SLC38A6: variants seen among roughly 807,000 people sequenced by gnomAD.
SLC38A6 encodes the protein N system amino acid transporter NAT-1.
A neutral mutation model predicts 65.0 loss-of-function variants in SLC38A6; 73 were observed. The observed-to-expected ratio is 1.12, with a 90% confidence interval of 0.93 to 1.37. The LOEUF (loss-of-function observed/expected upper bound fraction) is 1.37, where lower values mean the gene tolerates loss of function less well. SLC38A6 is among the 40% of genes most tolerant of loss of function. SLC38A6 has a pLI of 0.00. For synonymous variants in SLC38A6, 183 were observed against 178.8 expected (o/e 1.02, Z -0.19); for missense variants, 561 against 531.1 (o/e 1.06, Z -0.55).
In SLC38A6 at chr14:61,068,455, G is replaced by C. The variant is rs113976410; in HGVS notation, c.1291-10355G>C. 7.7e-3 allele frequency among the ~76,000 whole-genome samples: 1,173 copies of C among 152,232 alleles called. 17 individuals are homozygous for C. Among genetic ancestry groups the C allele is most frequent in the African/African-American group, 0.027 (1,104 of 41,548 alleles). On this transcript the variant is annotated intron_variant, in intron 15 of 16. Transcript: ENST00000354886. ...ACCTACTTATTTCTCTGATGTCAAT[G>C]TATCTTTCATTCTCCAGCCACACTG...
chr14:61,030,594 G>A, intron 6 of SLC38A6, 71 bp downstream of exon 6: 1 of 1,055,904 alleles, frequency 9.5e-7, no homozygotes, highest in Non-Finnish European at 1.4e-6. Context: ...GCTGTAAATG[G>A]CAATACTTGT....
chr14:60,982,071 A>G, intron 1 of SLC38A6: 1 of 435,746 alleles, frequency 2.3e-6, no homozygotes. Context: ...CTAATTCATT[A>G]GATATATAAG....
intron 3 of SLC38A6, among the ~76,000 whole-genome samples, chr14:61,003,236 A>G (rs1362963524): frequency 6.6e-6 from 1 of 152,096 alleles, no homozygotes; most frequent in East Asian, 1.9e-4. Context: ...AGAAAGAAAA[A>G]GAAAAAAGTT....
chr14:61,036,516 G>C (rs542756706), intron 6 of SLC38A6, among the ~76,000 whole-genome samples: 1 of 152,082 alleles, frequency 6.6e-6, no homozygotes, highest in African/African-American at 2.4e-5. Flanking sequence ...CCTAGATGAC[G>C]GGTTGATAGG....
intron 3 of SLC38A6, among the ~76,000 whole-genome samples, chr14:60,994,033 T>G (rs1011225535): frequency 1.3e-5 from 2 of 152,188 alleles, no homozygotes; most frequent in Non-Finnish European, 2.9e-5. Context: ...TGGCAGTTTT[T>G]TAACCAAACT....
intron 15 of SLC38A6, among the ~76,000 whole-genome samples, chr14:61,067,718 T>A (rs976080403): frequency 6.6e-6 from 1 of 152,044 alleles, no homozygotes; most frequent in Admixed American, 6.6e-5. Context: ...CACACACATA[T>A]ATATATATAC....
At chr14:61,014,949 G>T (rs2139527559) in intron 3 of SLC38A6, among the ~76,000 whole-genome samples, 1 of 152,302 alleles carries the variant, frequency 6.6e-6, no homozygotes, top group South Asian at 2.1e-4. Context: ...AGGTTTCTCT[G>T]CCTTTTGTTT....
chr14:60,997,724 G>T (rs2139346466), intron 3 of SLC38A6, among the ~76,000 whole-genome samples: 1 of 152,294 alleles, frequency 6.6e-6, no homozygotes, highest in South Asian at 2.1e-4. Flanking sequence ...GGGTGCAGCA[G>T]AGTTCCAGTT....
chr14:61,051,298 T>A (rs1392512457), intron 13 of SLC38A6, among the ~76,000 whole-genome samples: 1 of 152,166 alleles, frequency 6.6e-6, no homozygotes, highest in Non-Finnish European at 1.5e-5. Context: ...CTGGATAAAT[T>A]TTTTGGCATG....
chr14:61,076,960 A>G (rs868704989), intron 15 of SLC38A6, among the ~76,000 whole-genome samples: 55 of 152,352 alleles, frequency 3.6e-4, no homozygotes, highest in Admixed American at 2.0e-3. Context: ...TACAAACACA[A>G]TTTTTAAAAA....
chr14:61,035,790 A>C (rs1299343387), intron 6 of SLC38A6, among the ~76,000 whole-genome samples: 1 of 152,164 alleles, frequency 6.6e-6, no homozygotes, highest in Non-Finnish European at 1.5e-5. Context: ...TTTGCATACA[A>C]ATCTATTGAG....
At chr14:61,020,744 C>G (rs1368500685) in intron 5 of SLC38A6, among the ~76,000 whole-genome samples, 1 of 152,100 alleles carries the variant, frequency 6.6e-6, no homozygotes, top group Admixed American at 6.6e-5. Context: ...ATTTTAAGAT[C>G]TATTTTGGAA....
rs2139810381 is a variant in SLC38A6 at position 61,045,391 on chromosome 14, A to G, written c.790A>G (p.Thr264Ala). 1 of 1,613,716 alleles carries G rather than the reference A, an allele frequency of 6.2e-7. No homozygotes were observed. Among genetic ancestry groups the G allele is most frequent in the Admixed American group, 1.7e-5 (1 of 60,006 alleles). ...PTMAFSFLCH[T>A]SILPIYCELQ... is the part of the protein sequence containing the mutation. The stretch of plus-strand genomic sequence containing the variant: ...CATGGCTTTTTCATTTCTCTGCCAT[A>G]CCTCAATATTGCCCATATACTGTGA... The change falls in exon 11 of 16, where the codon ACC (threonine) becomes GCC (alanine). Residue 264 changes from threonine to alanine, a missense_variant. By Grantham distance (58) the Thr-to-Ala change is moderately conservative. Coordinates refer to ENST00000267488, the MANE Select transcript of SLC38A6 (RefSeq NM_153811.3).
At chr14:61,022,809 A>T (rs562910330) in intron 5 of SLC38A6, among the ~76,000 whole-genome samples, 11 of 152,168 alleles carry the variant, frequency 7.2e-5, no homozygotes, top group Non-Finnish European at 1.5e-4. Context: ...ACTCTTCAAT[A>T]TAGATATTAT....
intron 16 of SLC38A6, among the ~76,000 whole-genome samples, chr14:61,079,833 G>A (rs886683295): frequency 3.3e-5 from 5 of 152,074 alleles, no homozygotes; most frequent in Non-Finnish European, 7.3e-5. Context: ...AGTGTGCCCT[G>A]AACAACGAAG....
intron 15 of SLC38A6, among the ~76,000 whole-genome samples, chr14:61,066,725 C>A (rs567163642): frequency 6.6e-6 from 1 of 152,270 alleles, no homozygotes; most frequent in African/African-American, 2.4e-5. Flanking sequence ...CCTGTGTAAA[C>A]ATGCGCAGAT....
intron 10 of SLC38A6, among the ~76,000 whole-genome samples, 190 bp downstream of exon 10, chr14:61,043,693 CTTT>C (rs34559752): frequency 2.8e-5 from 3 of 107,318 alleles, no homozygotes; most frequent in African/African-American, 7.6e-5. Context: ...AAACAGCCAC[CTTT>C]TTTTTTTTTT....
chr14:60,988,674 C>T (rs954683365), intron 3 of SLC38A6, among the ~76,000 whole-genome samples: 2 of 152,204 alleles, frequency 1.3e-5, no homozygotes, highest in Admixed American at 6.5e-5. Flanking sequence ...TTCACCCCTA[C>T]CAAGACTTCT....
intron 3 of SLC38A6, among the ~76,000 whole-genome samples, chr14:60,997,888 A>G (rs1270390180): frequency 6.6e-6 from 1 of 152,162 alleles, no homozygotes; most frequent in Non-Finnish European, 1.5e-5. Context: ...AATAAAAATG[A>G]GTTCAGTTTT....
Sources: gnomAD v4.1 joint callset for allele counts (sites outside exome capture counted in the v4.1 genomes callset) on GRCh38, gnomAD v4.1.1 for gene constraint, MANE v1.5 for transcripts, NCBI Gene and HGNC (gene_info 2026-07-23, HGNC 2026-07-21) for gene names.